SMARCA4: variants seen among roughly 807,000 people sequenced by gnomAD.
SMARCA4 encodes SWI/SNF-related matrix-associated actin-dependent regulator of chromatin subfamily A member 4.
In SMARCA4, 31 loss-of-function variants were observed where a neutral mutation model predicts 193.9. The ratio of observed to expected loss-of-function variants is 0.16; its 90% CI spans 0.12 to 0.22. SMARCA4 has a LOEUF of 0.22. SMARCA4 is among the 10% of genes least tolerant of loss of function. The pLI is 1.00. For synonymous variants in SMARCA4, 942 were observed against 933.1 expected (o/e 1.01, Z -0.17); for missense variants, 1,148 against 2,296.0 (o/e 0.50, Z 10.22).
chr19:11,026,445 C>A, intron 23 of SMARCA4, 99 bp downstream of exon 23: 3 of 829,580 alleles, frequency 3.6e-6, no homozygotes, highest in Non-Finnish European at 6.2e-6. Flanking sequence ...TGTCCAATTT[C>A]AAAGGCAGAA....
intron 30 of SMARCA4, among the ~76,000 whole-genome samples, chr19:11,049,312 A>G (rs1044582457): frequency 6.6e-6 from 1 of 152,142 alleles, no homozygotes; most frequent in African/African-American, 2.4e-5. Context: ...TGAAATCTCA[A>G]ACCACATTGA....
In SMARCA4 at chr19:10,996,712, A is replaced by G. The variant is rs78428875; in HGVS notation, c.1812+168A>G. ...CATCCCACCCGACCCCACATCCCAC[A>G]TGTTGTGTTTTCTTCCAGACCTTTT... is the stretch of plus-strand genomic sequence containing the variant. On this transcript the variant is annotated intron_variant, in intron 11 of 34. Transcript: ENST00000344626. 3.5e-4 allele frequency among the ~76,000 whole-genome samples: 53 copies of G among 150,898 alleles called. 1 individual carries two copies. The East Asian group carries it at 5.7e-3, about 16-fold the overall frequency.
At chr19:11,007,008 G>A (rs1314542031) in intron 13 of SMARCA4, among the ~76,000 whole-genome samples, 2 of 152,108 alleles carry the variant, frequency 1.3e-5, no homozygotes, top group East Asian at 1.9e-4. Context: ...GATCGCTTAA[G>A]TCCAGTGGGT....
chr19:11,047,275 C>A (rs2075990330), intron 30 of SMARCA4, among the ~76,000 whole-genome samples: 2 of 152,166 alleles, frequency 1.3e-5, no homozygotes, highest in Non-Finnish European at 2.9e-5. Context: ...GTGGGCGGAT[C>A]ACTTGAGGTG....
intron 13 of SMARCA4, among the ~76,000 whole-genome samples, chr19:11,003,805 G>A (rs1189385060): frequency 2.7e-5 from 4 of 149,900 alleles, no homozygotes; most frequent in African/African-American, 9.8e-5. Flanking sequence ...TCCACCTCCC[G>A]GGTTCAAGCA....
At chr19:11,029,429 G>T (rs1182191529) in intron 24 of SMARCA4, among the ~76,000 whole-genome samples, 3 of 152,278 alleles carry the variant, frequency 2.0e-5, no homozygotes, top group Non-Finnish European at 4.4e-5. Flanking sequence ...CAGGGCCAGA[G>T]AATCCATTGC....
At chr19:11,003,525 C>A in intron 13 of SMARCA4, 128 bp downstream of exon 13, 3 of 889,024 alleles carry the variant, frequency 3.4e-6, no homozygotes, top group Non-Finnish European at 5.7e-6. Context: ...GGGCCCAGGC[C>A]TGCCCGAAGT....
rs1316035187 is a variant in SMARCA4 at position 11,033,706 on chromosome 19, C to T, written c.3775-61C>T. 2.6e-6 allele frequency: 2 copies of T among 772,684 alleles called. No homozygotes were observed. Among genetic ancestry groups the T allele is most frequent in the Admixed American group, 1.7e-5 (1 of 58,364 alleles). The allele number at this position is 772,684 out of a possible 1,614,324, so 47.9% of individuals were successfully genotyped here. On this transcript the variant is annotated intron_variant, in intron 26 of 34. Transcript: ENST00000344626. The surrounding 1 kb of genome is among the most constrained non-coding windows in gnomAD (Gnocchi z 9.8). ...CTTTGAAGTGGTTTTTTTTTCTAAA[C>T]TGCTGGTGAAAGACGCCGGATTGAC...
At chr19:11,059,365 G>T (rs2076727926) in intron 32 of SMARCA4, 1 of 335,826 alleles carries the variant, frequency 3.0e-6, no homozygotes, top group South Asian at 2.7e-5. Flanking sequence ...AGTGTCTTTG[G>T]GATTGATTCC....
intron 30 of SMARCA4, among the ~76,000 whole-genome samples, chr19:11,053,784 G>A (rs112369586): frequency 0.18 from 27,012 of 152,026 alleles, 3,003 homozygotes; most frequent in Non-Finnish European, 0.25. Flanking sequence ...TGTGGCGTGT[G>A]CCTGTAGTCC....
Position 11,058,667 on chromosome 19 carries a change from T to A in SMARCA4, c.4534-121T>A. On this transcript the variant is annotated intron_variant, in intron 31 of 34. Transcript: ENST00000344626. The surrounding 1 kb of genome is among the most constrained non-coding windows in gnomAD (Gnocchi z 5.8). ...TGAGCCAGGTTACCGAGGCTGGCGC[T>A]TCGGCCACATCCTCATAGGCACGAG... 1 of 847,714 alleles carries A rather than the reference T, an allele frequency of 1.2e-6. No homozygotes were observed. The highest frequency in any genetic ancestry group is 2.0e-6 in the Non-Finnish European group (1 of 507,970). The allele number at this position is 847,714 out of a possible 1,614,324, so 52.5% of individuals were successfully genotyped here. A position where few individuals can be genotyped will look rare whatever the true frequency, so the allele number is the denominator to read the frequency against.
chr19:11,028,031 C>G, intron 24 of SMARCA4, 81 bp downstream of exon 24: 1 of 1,488,934 alleles, frequency 6.7e-7, no homozygotes, highest in Non-Finnish European at 9.4e-7. Context: ...GCATTCCCTC[C>G]TGTGAGGCAG....
rs757147434 is a variant in SMARCA4, at chr19:11,041,618, G to A, written c.4424+58G>A. ...AGGGGTCCCCGTGGGAGCAGGCCTG[G>A]CATCTGCACTCTGACTCTGCACACT... On this transcript the variant is annotated intron_variant, in intron 30 of 34. Transcript: ENST00000344626. This position sits in a 1 kb window ranked among gnomAD's most constrained non-coding sequence, Gnocchi z 5.6. The A allele has an allele frequency of 1.4e-4, 208 of 1,496,044 alleles. 1 individual carries two copies. Among genetic ancestry groups the A allele is most frequent in the Non-Finnish European group, 1.8e-4 (197 of 1,083,488 alleles). The allele number at this position is 1,496,044 out of a possible 1,614,324, so 92.7% of individuals were successfully genotyped here. A position where few individuals can be genotyped will look rare whatever the true frequency, so the allele number is the denominator to read the frequency against.
intron 30 of SMARCA4, among the ~76,000 whole-genome samples, chr19:11,057,082 C>T (rs944748905): frequency 6.6e-6 from 1 of 152,254 alleles, no homozygotes; most frequent in Non-Finnish European, 1.5e-5. Context: ...TCCTCCTTCC[C>T]ATCAGGCCCC....
rs151020454 is a variant in SMARCA4 at position 10,964,929 on chromosome 19, G to A, written c.-32+3755G>A. Among the ~76,000 whole-genome samples, 648 of 152,258 alleles carry A rather than the reference G, an allele frequency of 4.3e-3. 2 individuals are homozygous for A. The highest frequency in any genetic ancestry group is 0.017 in the Middle Eastern group (5 of 294). On this transcript the variant is annotated intron_variant, in intron 1 of 34. Coordinates refer to ENST00000344626, the MANE Select transcript of SMARCA4 (RefSeq NM_003072.5). ...AGCCACCGTGCCCAGCCAGTCTGGT[G>A]GAACTTTCTATCAGTAAGGAAACTG... is the stretch of plus-strand genomic sequence containing the variant.
chr19:11,061,608 C>A, intron 34 of SMARCA4, 176 bp from the exon 35 acceptor site: 4 of 684,618 alleles, frequency 5.8e-6, no homozygotes, highest in Non-Finnish European at 1.1e-5. Flanking sequence ...GATCTCCTGA[C>A]CTCGTGATCC....
chr19:11,061,752 A>C (rs1360939282), intron 34 of SMARCA4, 32 bp from the exon 35 acceptor site: 1 of 1,611,222 alleles, frequency 6.2e-7, no homozygotes, highest in Non-Finnish European at 8.5e-7. Flanking sequence ...GGGGTGGCCA[A>C]CGCACACTCT....
intron 30 of SMARCA4, among the ~76,000 whole-genome samples, chr19:11,045,603 G>C (rs2075858351): frequency 1.3e-5 from 2 of 151,056 alleles, no homozygotes; most frequent in South Asian, 4.2e-4. Context: ...TTAAGAACCT[G>C]AATATTTTCA....
rs201978102 is a variant in SMARCA4, at chr19:11,045,932, G to GA, written c.4424+4381dup. The stretch of plus-strand genomic sequence containing the variant: ...CTCTGTCTCTATTTAAAAAAAAGAA[G>GA]AAAAAAAAAGTCTGGGTGTGGTGGC... On this transcript the variant is annotated intron_variant, in intron 30 of 34. Transcript: ENST00000344626. Among the ~76,000 whole-genome samples, 1,141 of 150,446 alleles carry GA rather than the reference G, an allele frequency of 7.6e-3. 5 individuals are homozygous for GA. Among genetic ancestry groups the GA allele is most frequent in the South Asian group, 0.017 (82 of 4,756 alleles).
Sources: gnomAD v4.1 joint callset for allele counts (sites outside exome capture counted in the v4.1 genomes callset) on GRCh38, gnomAD v4.1.1 for gene constraint, Gnocchi (gnomAD v3.1) non-coding constraint, MANE v1.5 for transcripts, NCBI Gene and HGNC (gene_info 2026-07-23, HGNC 2026-07-21) for gene names.